Variants in XPR1 observed in about 807,000 individuals in gnomAD.
XPR1 encodes xenotropic and polytropic retrovirus receptor 1, also known as solute carrier family 53 member 1.
In XPR1, 28 loss-of-function variants were observed where a neutral mutation model predicts 87.5. That is an observed-to-expected ratio of 0.32 (90% confidence interval 0.24 to 0.44). The LOEUF (loss-of-function observed/expected upper bound fraction) is 0.44. Ranked by LOEUF, XPR1 falls within the 20% of genes least tolerant of loss-of-function variation. The pLI, the probability that XPR1 is intolerant of heterozygous loss-of-function variation, is 1.00. For missense variants in XPR1, 559 were observed against 862.3 expected (o/e 0.65, Z 4.41); for synonymous variants, 300 against 306.1 (o/e 0.98, Z 0.21).
intron 4 of XPR1, among the ~76,000 whole-genome samples, chr1:180,804,637 A>T (rs949928130): frequency 2.0e-5 from 3 of 152,182 alleles, no homozygotes; most frequent in Non-Finnish European, 4.4e-5. Context: ...TAAAATAAAA[A>T]GTAGTTAAAG....
At chr1:180,883,974 T>C in intron 14 of XPR1, 32 bp from the exon 15 acceptor site, 5 of 1,601,380 alleles carry the variant, frequency 3.1e-6, no homozygotes, top group Non-Finnish European at 4.3e-6. Flanking sequence ...GGTAATGGAC[T>C]AAGTGCTTTT....
chr1:180,738,458 A>T (rs150379994), intron 2 of XPR1, among the ~76,000 whole-genome samples: 1 of 152,186 alleles, frequency 6.6e-6, no homozygotes, highest in Non-Finnish European at 1.5e-5. Context: ...TAATATTTGT[A>T]TAAATAGGAT....
rs372375407 is a variant in XPR1 at position 180,652,545 on chromosome 1, A to G, written c.69+20275A>G. Among the ~76,000 whole-genome samples the G allele has an allele frequency of 7.9e-4, 120 of 152,334 alleles. 1 individual carries two copies. The East Asian group carries it at 0.012, about 16-fold the overall frequency. On this transcript the variant is annotated intron_variant, in intron 1 of 14. Transcript: ENST00000367590. ...TGACTTTCCAAGAGCATTTAGTGGAAGTTAAATTACAGTGTTGGTAGCTTT... is the reference window on the plus strand; with the variant it reads ...TGACTTTCCAAGAGCATTTAGTGGAGGTTAAATTACAGTGTTGGTAGCTTT...
intron 2 of XPR1, among the ~76,000 whole-genome samples, chr1:180,688,830 T>C (rs1656877710): frequency 6.6e-6 from 1 of 152,174 alleles, no homozygotes; most frequent in East Asian, 1.9e-4. Context: ...TTAATCTACG[T>C]GGGTAAATGC....
chr1:180,746,659 C>G (rs1388565736), intron 2 of XPR1, among the ~76,000 whole-genome samples: 6 of 152,016 alleles, frequency 3.9e-5, no homozygotes, highest in Admixed American at 6.6e-5. Context: ...GGTAGATCTA[C>G]TTTTCGTTCT....
intron 9 of XPR1, among the ~76,000 whole-genome samples, chr1:180,825,710 C>G (rs1650806803): frequency 6.6e-6 from 1 of 152,146 alleles, no homozygotes; most frequent in Non-Finnish European, 1.5e-5. Context: ...GATTTGTTCT[C>G]TAAAAGCAGT....
intron 2 of XPR1, among the ~76,000 whole-genome samples, chr1:180,723,662 A>T (rs1411242945): frequency 6.6e-6 from 1 of 151,990 alleles, no homozygotes; most frequent in African/African-American, 2.4e-5. Flanking sequence ...CTCTTCCCTT[A>T]CCTGTCTTCA....
intron 2 of XPR1, among the ~76,000 whole-genome samples, chr1:180,775,200 A>G (rs1648666112): frequency 1.3e-5 from 2 of 152,208 alleles, no homozygotes; most frequent in South Asian, 4.1e-4. Flanking sequence ...CCTGCCTATC[A>G]TTCTTTGAAA....
chr1:180,845,394 A>G (rs953808323), intron 11 of XPR1, among the ~76,000 whole-genome samples: 8 of 152,228 alleles, frequency 5.3e-5, no homozygotes, highest in African/African-American at 1.9e-4. Context: ...TAATCTAACA[A>G]ATGTTCAGCA....
At chr1:180,803,341 A>G (rs1219275196) in intron 3 of XPR1, 47 bp from the exon 4 acceptor site, 1 of 1,551,834 alleles carries the variant, frequency 6.4e-7, no homozygotes, top group Non-Finnish European at 8.7e-7. Flanking sequence ...AGTCAGTAGG[A>G]ACTTTTTTAT....
intron 2 of XPR1, among the ~76,000 whole-genome samples, chr1:180,715,061 G>T (rs893447173): frequency 6.6e-6 from 1 of 152,158 alleles, no homozygotes; most frequent in African/African-American, 2.4e-5. Context: ...TATGGGAAAA[G>T]GGAGAACAAG....
chr1:180,822,624 C>T (rs1650678362), intron 7 of XPR1, among the ~76,000 whole-genome samples: 1 of 152,082 alleles, frequency 6.6e-6, no homozygotes, highest in African/African-American at 2.4e-5. Context: ...AATAAAGTTT[C>T]CTCAAGTAAA....
chr1:180,814,818 T>C (rs960635657), intron 7 of XPR1, among the ~76,000 whole-genome samples: 1 of 152,156 alleles, frequency 6.6e-6, no homozygotes, highest in African/African-American at 2.4e-5. Context: ...AGAAATAACG[T>C]TTATGCTAGA....
intron 1 of XPR1, among the ~76,000 whole-genome samples, chr1:180,643,952 G>A (rs1462903547): frequency 6.6e-6 from 1 of 152,142 alleles, no homozygotes; most frequent in Non-Finnish European, 1.5e-5. Flanking sequence ...GATGAATTCG[G>A]TGTGGCCCAG....
At chr1:180,761,649 A>G (rs537532454) in intron 2 of XPR1, among the ~76,000 whole-genome samples, 40 of 152,342 alleles carry the variant, frequency 2.6e-4, no homozygotes, top group Admixed American at 2.2e-3. Flanking sequence ...GTGGAGAAAT[A>G]GGAACACTTT....
intron 2 of XPR1, among the ~76,000 whole-genome samples, chr1:180,695,440 G>GTGTGTA (rs1166850519): frequency 2.0e-5 from 3 of 150,490 alleles, no homozygotes; most frequent in Non-Finnish European, 2.9e-5. Context: ...GTGTGTGTGT[G>GTGTGTA]TATGCGCGCG....
At chr1:180,765,680 G>A (rs754304254) in intron 2 of XPR1, among the ~76,000 whole-genome samples, 8 of 152,146 alleles carry the variant, frequency 5.3e-5, no homozygotes, top group Non-Finnish European at 1.2e-4. Flanking sequence ...CTTATGCAAT[G>A]TAAATACTAT....
In XPR1 at chr1:180,857,835, C is replaced by T. The variant is rs577169826; in HGVS notation, c.1502-5873C>T. Reference sequence around the variant, plus strand: ...GTTAGTCTTTAGTATTCTAGTTATACAATAAATAATGCAGGTTATAGTATA... The same window carrying T: ...GTTAGTCTTTAGTATTCTAGTTATATAATAAATAATGCAGGTTATAGTATA... On this transcript the variant is annotated intron_variant, in intron 11 of 14. Transcript: ENST00000367590. Among the ~76,000 whole-genome samples the T allele has an allele frequency of 6.6e-5, 10 of 152,184 alleles. No individual in the cohort carries two copies. In the South Asian group the frequency reaches 2.1e-3, roughly 32 times the overall value.
At chr1:180,737,279 C>T (rs1003861183) in intron 2 of XPR1, among the ~76,000 whole-genome samples, 2 of 152,170 alleles carry the variant, frequency 1.3e-5, no homozygotes, top group African/African-American at 4.8e-5. Flanking sequence ...CAACAAGTAG[C>T]AAACACTGGA....
Sources: allele counts gnomAD v4.1 joint callset (sites outside exome capture counted in the v4.1 genomes callset), GRCh38; gene constraint gnomAD v4.1.1; transcripts MANE v1.5; gene names NCBI Gene and HGNC (gene_info 2026-07-23, HGNC 2026-07-21).